The following SLAIN1 variants were observed in gnomAD, a reference collection of about 807,000 sequenced individuals.
SLAIN1 encodes SLAIN motif-containing protein 1.
A neutral mutation model predicts 55.4 loss-of-function variants in SLAIN1; 17 were observed. That is an observed-to-expected ratio of 0.31 (90% CI 0.21 to 0.46). The LOEUF is 0.46. Ranked by LOEUF, SLAIN1 falls within the 20% of genes least tolerant of loss-of-function variation. The pLI is 1.00. For synonymous variants in SLAIN1, 348 were observed against 337.4 expected (o/e 1.03, Z -0.35); for missense variants, 682 against 785.1 (o/e 0.87, Z 1.57).
intron 1 of SLAIN1, among the ~76,000 whole-genome samples, chr13:77,710,110 G>GCCA (rs2091132585): frequency 6.6e-6 from 1 of 152,044 alleles, no homozygotes; most frequent in African/African-American, 2.4e-5. Flanking sequence ...ACCAGTACCA[G>GCCA]CCACTGCAAA....
chr13:77,739,302 G>T (rs1300804132), intron 2 of SLAIN1, among the ~76,000 whole-genome samples: 1 of 152,016 alleles, frequency 6.6e-6, no homozygotes, highest in African/African-American at 2.4e-5. Context: ...TATATGTCAG[G>T]ATAGGAGTGG....
At chr13:77,743,006 T>A (rs1229925630) in intron 2 of SLAIN1, 2 of 1,286,776 alleles carry the variant, frequency 1.6e-6, no homozygotes, top group East Asian at 1.2e-4. Flanking sequence ...ATTTTCTGCT[T>A]CTGTGACAGC....
intron 2 of SLAIN1, among the ~76,000 whole-genome samples, chr13:77,731,082 G>A (rs560252539): frequency 2.0e-5 from 3 of 152,120 alleles, no homozygotes; most frequent in South Asian, 2.1e-4. Flanking sequence ...AAGCAGGAAC[G>A]TACTGAACAA....
At chr13:77,727,905 G>A (rs2091323025) in intron 2 of SLAIN1, among the ~76,000 whole-genome samples, 1 of 152,150 alleles carries the variant, frequency 6.6e-6, no homozygotes, top group Non-Finnish European at 1.5e-5. Flanking sequence ...TTTAGAAATT[G>A]AACATAAAAT....
chr13:77,707,412 C>T (rs1414232336), intron 1 of SLAIN1, among the ~76,000 whole-genome samples: 4 of 151,940 alleles, frequency 2.6e-5, no homozygotes, highest in East Asian at 3.9e-4. Context: ...AAATTATATT[C>T]GTCTTGACAT....
chr13:77,729,503 CT>C (rs11319194), intron 2 of SLAIN1, among the ~76,000 whole-genome samples: 24,766 of 143,944 alleles, frequency 0.17, 2,051 homozygotes, highest in South Asian at 0.21. Context: ...TAGTGAAATT[CT>C]TTTTTTTTTT....
At chr13:77,750,744 C>G (rs1282406175) in intron 4 of SLAIN1, among the ~76,000 whole-genome samples, 1 of 152,152 alleles carries the variant, frequency 6.6e-6, no homozygotes, top group Non-Finnish European at 1.5e-5. Context: ...GAACTACACA[C>G]AGAAAGTAAT....
intron 1 of SLAIN1, among the ~76,000 whole-genome samples, chr13:77,715,177 AAGTCACAG>A (rs2091194738): frequency 6.6e-6 from 1 of 152,140 alleles, no homozygotes; most frequent in African/African-American, 2.4e-5. Context: ...TATATCAATA[AAGTCACAG>A]ACTATGTACT....
chr13:77,718,988 C>T (rs2091234926), intron 1 of SLAIN1, among the ~76,000 whole-genome samples: 1 of 152,002 alleles, frequency 6.6e-6, no homozygotes, highest in African/African-American at 2.4e-5. Flanking sequence ...GAAAAAGAAA[C>T]ATATACCAAG....
At chr13:77,736,498 T>G (rs993668971) in intron 2 of SLAIN1, among the ~76,000 whole-genome samples, 2 of 152,122 alleles carry the variant, frequency 1.3e-5, no homozygotes, top group African/African-American at 2.4e-5. Flanking sequence ...CCATCCTCCC[T>G]TGAGCCTTAT....
At chr13:77,754,091 G>A (rs965170731) in intron 5 of SLAIN1, among the ~76,000 whole-genome samples, 1 of 152,144 alleles carries the variant, frequency 6.6e-6, no homozygotes, top group African/African-American at 2.4e-5. Context: ...CAGGAGGAAG[G>A]CACAAGGTTA....
chr13:77,708,641 A>G (rs1032908991), intron 1 of SLAIN1, among the ~76,000 whole-genome samples: 1 of 152,190 alleles, frequency 6.6e-6, no homozygotes, highest in African/African-American at 2.4e-5. Flanking sequence ...GGACCTCAGG[A>G]AAACCCCAGC....
chr13:77,722,700 T>C (rs1262424980), intron 2 of SLAIN1, among the ~76,000 whole-genome samples: 1 of 152,172 alleles, frequency 6.6e-6, no homozygotes, highest in Non-Finnish European at 1.5e-5. Flanking sequence ...TATATTATGA[T>C]AGAAAGTTAT....
At chr13:77,747,631 C>T (rs1179952567) in intron 4 of SLAIN1, among the ~76,000 whole-genome samples, 2 of 152,156 alleles carry the variant, frequency 1.3e-5, no homozygotes, top group African/African-American at 4.8e-5. Flanking sequence ...GGATGCTGCT[C>T]TTACACAGCC....
Position 77,698,754 on chromosome 13 carries a change from C to T in SLAIN1, c.626+215C>T. On this transcript the variant is annotated intron_variant, in intron 1 of 6. Transcript: ENST00000418532. The surrounding 1 kb of genome is among the most constrained non-coding windows in gnomAD (Gnocchi z 4.1). ...GGCAGAAACCTGTTTTCTAATCGCT[C>T]CGACTGCGGATGAACCGGCCCCCCC... The T allele has an allele frequency of 8.8e-7, 1 of 1,137,508 alleles. No homozygotes were observed. Among genetic ancestry groups the T allele is most frequent in the Non-Finnish European group, 1.2e-6 (1 of 840,354 alleles). 70.5% of individuals were successfully genotyped at this position (1,137,508 alleles called of 1,614,324 possible). A position where few individuals can be genotyped will look rare whatever the true frequency, so the allele number is the denominator to read the frequency against.
At chr13:77,747,808 G>T (rs1031156998) in intron 4 of SLAIN1, among the ~76,000 whole-genome samples, 2 of 152,082 alleles carry the variant, frequency 1.3e-5, no homozygotes, top group South Asian at 2.1e-4. Context: ...TGTGTCATTC[G>T]TTTATTCTAT....
chr13:77,707,397 G>T (rs527262583), intron 1 of SLAIN1, among the ~76,000 whole-genome samples: 1 of 152,048 alleles, frequency 6.6e-6, no homozygotes, highest in East Asian at 1.9e-4. Context: ...TCTTTTAGAT[G>T]ATATAAATTA....
chr13:77,735,338 A>C (rs1873067188), intron 2 of SLAIN1, among the ~76,000 whole-genome samples: 1 of 152,088 alleles, frequency 6.6e-6, no homozygotes, highest in African/African-American at 2.4e-5. Context: ...CTTTATTACA[A>C]TATGTTATGG....
chr13:77,734,701 C>T (rs1873030947), intron 2 of SLAIN1, among the ~76,000 whole-genome samples: 1 of 152,124 alleles, frequency 6.6e-6, no homozygotes, highest in Admixed American at 6.6e-5. Context: ...TTTCTCCTAC[C>T]TAGCTTCTAG....
Sources: allele counts gnomAD v4.1 joint callset (sites outside exome capture counted in the v4.1 genomes callset), GRCh38; gene constraint gnomAD v4.1.1; non-coding constraint Gnocchi (gnomAD v3.1); transcripts MANE v1.5; gene names NCBI Gene and HGNC (gene_info 2026-07-23, HGNC 2026-07-21).